PCDH9: variants seen among roughly 807,000 people sequenced by gnomAD.
PCDH9 encodes protocadherin-9.
A neutral mutation model predicts 70.6 loss-of-function variants in PCDH9; 24 were observed. The observed-to-expected ratio is 0.34, with a 90% CI of 0.25 to 0.48. The LOEUF is 0.48. Ranked by LOEUF, PCDH9 falls within the 20% of genes least tolerant of loss-of-function variation. The pLI is 0.99. For synonymous variants in PCDH9, 562 were observed against 558.5 expected (o/e 1.01, Z -0.09); for missense variants, 1,281 against 1,503.6 (o/e 0.85, Z 2.45).
chr13:66,422,330 C>T (rs746491536), intron 4 of PCDH9, among the ~76,000 whole-genome samples: 1 of 152,162 alleles, frequency 6.6e-6, no homozygotes, highest in Non-Finnish European at 1.5e-5. Context: ...CTATAGAACT[C>T]TCTGCCCCAA....
intron 2 of PCDH9, among the ~76,000 whole-genome samples, chr13:67,066,220 A>T (rs1436126572): frequency 6.6e-6 from 1 of 151,176 alleles, no homozygotes; most frequent in Admixed American, 6.6e-5. Flanking sequence ...ATTAAACAGC[A>T]GGCCATAATT....
At chr13:66,695,359 G>A (rs1049858578) in intron 3 of PCDH9, among the ~76,000 whole-genome samples, 1 of 151,958 alleles carries the variant, frequency 6.6e-6, no homozygotes, top group Non-Finnish European at 1.5e-5. Flanking sequence ...ATGAAAACTG[G>A]GTCTATTGTC....
chr13:66,979,224 A>G (rs2083687838), intron 2 of PCDH9, among the ~76,000 whole-genome samples: 1 of 152,132 alleles, frequency 6.6e-6, no homozygotes, highest in Admixed American at 6.5e-5. Context: ...AATGCATGCA[A>G]AGATGGAGCC....
intron 4 of PCDH9, among the ~76,000 whole-genome samples, chr13:66,315,645 C>T (rs1030727704): frequency 2.0e-5 from 3 of 152,108 alleles, no homozygotes; most frequent in East Asian, 1.9e-4. Flanking sequence ...CCACGTCCAG[C>T]TAATTTTGTA....
chr13:66,870,280 C>A (rs1210337085), intron 3 of PCDH9, among the ~76,000 whole-genome samples: 1 of 152,008 alleles, frequency 6.6e-6, no homozygotes, highest in African/African-American at 2.4e-5. Context: ...CCATTGATCT[C>A]TATCTCTGTT....
chr13:67,115,702 T>C (rs1253891188), intron 2 of PCDH9, among the ~76,000 whole-genome samples: 1 of 150,040 alleles, frequency 6.7e-6, no homozygotes, highest in Non-Finnish European at 1.5e-5. Flanking sequence ...TTTTACCAGT[T>C]GTTTATCCAT....
intron 3 of PCDH9, among the ~76,000 whole-genome samples, chr13:66,694,334 T>A (rs7988876): frequency 0.98 from 148,768 of 152,316 alleles, 72,757 homozygotes; most frequent in East Asian, 1. Flanking sequence ...GAACACAACT[T>A]TGTGGGCTGC....
chr13:66,881,017 T>G (rs905205738), intron 3 of PCDH9, among the ~76,000 whole-genome samples: 2 of 152,174 alleles, frequency 1.3e-5, no homozygotes, highest in East Asian at 3.8e-4. Flanking sequence ...TGTTAATACA[T>G]TTTGAGTTTT....
At chr13:66,390,284 G>A (rs549330550) in intron 4 of PCDH9, among the ~76,000 whole-genome samples, 4 of 152,230 alleles carry the variant, frequency 2.6e-5, no homozygotes, top group East Asian at 3.9e-4. Flanking sequence ...CTATTGGTCC[G>A]TCTCATGGCA....
chr13:66,408,060 T>C (rs1031476535), intron 4 of PCDH9, among the ~76,000 whole-genome samples: 5 of 150,466 alleles, frequency 3.3e-5, no homozygotes, highest in African/African-American at 1.2e-4. Context: ...CTTTTTTTTT[T>C]TTTTTTTTTG....
chr13:67,026,181 C>T (rs1051239111), intron 2 of PCDH9, among the ~76,000 whole-genome samples: 28 of 152,070 alleles, frequency 1.8e-4, no homozygotes, highest in Non-Finnish European at 3.2e-4. Flanking sequence ...AGCCTTGCAT[C>T]CCAGGGATGA....
At chr13:66,929,898 C>T (rs1322936524) in intron 2 of PCDH9, among the ~76,000 whole-genome samples, 2 of 152,102 alleles carry the variant, frequency 1.3e-5, no homozygotes, top group Non-Finnish European at 2.9e-5. Context: ...AGATATTGAG[C>T]TCTTCCAAGC....
intron 3 of PCDH9, among the ~76,000 whole-genome samples, chr13:66,770,475 C>T (rs1008310190): frequency 6.6e-6 from 1 of 152,186 alleles, no homozygotes; most frequent in Non-Finnish European, 1.5e-5. Flanking sequence ...TCTATAAAAA[C>T]ATGCTGGATA....
intron 2 of PCDH9, among the ~76,000 whole-genome samples, chr13:66,987,830 T>C (rs2083925020): frequency 6.6e-6 from 1 of 152,054 alleles, no homozygotes; most frequent in Non-Finnish European, 1.5e-5. Flanking sequence ...ATTCAGAATG[T>C]TCTCCTTGAC....
rs551232553 is a variant in PCDH9 at position 66,711,356 on chromosome 13, GA to G, written c.3139-79946del. 1.9e-3 allele frequency among the ~76,000 whole-genome samples: 278 copies of G among 148,358 alleles called. 1 individual carries two copies. The highest frequency in any genetic ancestry group is 2.6e-3 in the Non-Finnish European group (176 of 67,374). On this transcript the variant is annotated intron_variant, in intron 3 of 4. Transcript: ENST00000377865. ...AAGTTTGTGTACTAACTTCTTATAA[GA>G]AGGGATCTATATGTATTGACGAAGA... is the stretch of plus-strand genomic sequence containing the variant.
At chr13:66,523,688 G>C (rs573910267) in intron 4 of PCDH9, among the ~76,000 whole-genome samples, 1 of 151,636 alleles carries the variant, frequency 6.6e-6, no homozygotes, top group Non-Finnish European at 1.5e-5. Flanking sequence ...TAGCATCAGA[G>C]GGAAAAAGCA....
At chr13:66,315,359 A>G (rs952370502) in intron 4 of PCDH9, among the ~76,000 whole-genome samples, 3 of 152,244 alleles carry the variant, frequency 2.0e-5, no homozygotes, top group Non-Finnish European at 4.4e-5. Flanking sequence ...TTGTGTTGCT[A>G]TAAGTCTCTA....
rs569808329 is a variant in PCDH9 at position 67,090,776 on chromosome 13, A to T, written c.3036+134629T>A. On this transcript the variant is annotated intron_variant, in intron 2 of 4. Transcript: ENST00000377865. ...ACACGAAAAGGCTTGAATCAACCAC[A>T]TTTTAGATGCTCACATTTTTAAACT... Among the ~76,000 whole-genome samples, 5 of 152,178 alleles carry T rather than the reference A, an allele frequency of 3.3e-5. No individual in the cohort carries two copies. In the South Asian group the frequency reaches 6.2e-4, roughly 19 times the overall value.
chr13:66,392,886 G>A (rs1271230858), intron 4 of PCDH9, among the ~76,000 whole-genome samples: 1 of 143,644 alleles, frequency 7.0e-6, no homozygotes, highest in East Asian at 2.0e-4. Flanking sequence ...ATGGGCATTT[G>A]CTTTTTTTTT....
Sources: allele counts gnomAD v4.1 joint callset (sites outside exome capture counted in the v4.1 genomes callset), GRCh38; gene constraint gnomAD v4.1.1; transcripts MANE v1.5; gene names NCBI Gene and HGNC (gene_info 2026-07-23, HGNC 2026-07-21).